GALNTL6: variants seen among roughly 807,000 people sequenced by gnomAD.
GALNTL6 encodes the protein polypeptide N-acetylgalactosaminyltransferase like 6.
A neutral mutation model predicts 73.7 loss-of-function variants in GALNTL6; 46 were observed. That is an observed-to-expected ratio of 0.62 (90% CI 0.49 to 0.80). The LOEUF (loss-of-function observed/expected upper bound fraction) is 0.80. GALNTL6 is among the 30% of genes least tolerant of loss of function. GALNTL6 has a pLI of 0.00. For synonymous variants in GALNTL6, 259 were observed against 263.7 expected (o/e 0.98, Z 0.17); for missense variants, 604 against 755.0 (o/e 0.80, Z 2.34).
chr4:172,890,040 CAGAG>C (rs2111210065), intron 8 of GALNTL6, among the ~76,000 whole-genome samples: 1 of 152,212 alleles, frequency 6.6e-6, no homozygotes, highest in Admixed American at 6.5e-5. Flanking sequence ...CTTGTATGCA[CAGAG>C]GTGTTCATAA....
chr4:171,888,318 G>A (rs1307434770), intron 2 of GALNTL6, among the ~76,000 whole-genome samples: 2 of 149,944 alleles, frequency 1.3e-5, no homozygotes, highest in Non-Finnish European at 3.0e-5. Context: ...TAACTTTAAA[G>A]TTCAGCAACA....
At chr4:171,869,738 T>C (rs1415291037) in intron 2 of GALNTL6, among the ~76,000 whole-genome samples, 1 of 152,086 alleles carries the variant, frequency 6.6e-6, no homozygotes, top group Admixed American at 6.6e-5. Context: ...CGGTGGGAGA[T>C]AACTGAATCA....
At chr4:172,526,990 T>C (rs760798112) in intron 5 of GALNTL6, among the ~76,000 whole-genome samples, 3 of 152,142 alleles carry the variant, frequency 2.0e-5, no homozygotes, top group African/African-American at 7.2e-5. Context: ...GATGATACAG[T>C]CACTAGAGAC....
chr4:172,293,465 A>G (rs1342158562), intron 3 of GALNTL6, among the ~76,000 whole-genome samples: 1 of 151,556 alleles, frequency 6.6e-6, no homozygotes, highest in Non-Finnish European at 1.5e-5. Flanking sequence ...AGTTTGAGAG[A>G]AGGATATTAT....
intron 5 of GALNTL6, among the ~76,000 whole-genome samples, chr4:172,538,437 G>A (rs1355594260): frequency 6.6e-6 from 1 of 152,086 alleles, no homozygotes; most frequent in African/African-American, 2.4e-5. Flanking sequence ...TCCAGCCTGG[G>A]TGACAGAGTG....
intron 5 of GALNTL6, among the ~76,000 whole-genome samples, chr4:172,367,870 G>T (rs1057129028): frequency 4.6e-5 from 7 of 152,092 alleles, no homozygotes; most frequent in African/African-American, 1.7e-4. Context: ...TCGCTTATAA[G>T]GTTAATGTAA....
chr4:172,711,127 G>A (rs1214689236), intron 5 of GALNTL6, among the ~76,000 whole-genome samples: 5 of 152,094 alleles, frequency 3.3e-5, no homozygotes, highest in South Asian at 2.1e-4. Flanking sequence ...GGGTGTATGC[G>A]GTAGGAGGAA....
At chr4:172,645,389 CAA>C (rs1740192989) in intron 5 of GALNTL6, among the ~76,000 whole-genome samples, 2 of 151,904 alleles carry the variant, frequency 1.3e-5, no homozygotes, top group Admixed American at 1.3e-4. Context: ...AAGTAGAAAT[CAA>C]GTTTCATTCC....
intron 2 of GALNTL6, among the ~76,000 whole-genome samples, chr4:171,881,017 C>T (rs1179422220): frequency 6.6e-6 from 1 of 151,280 alleles, no homozygotes; most frequent in Non-Finnish European, 1.5e-5. Flanking sequence ...CAAAATGGCT[C>T]CCACCGAGTA....
At chr4:172,981,457 CTAATGAT>C (rs1751059686) in intron 10 of GALNTL6, among the ~76,000 whole-genome samples, 2 of 152,236 alleles carry the variant, frequency 1.3e-5, no homozygotes, top group Admixed American at 1.3e-4. Context: ...TCCCTAATGA[CTAATGAT>C]GTTAAACACC....
At chr4:172,879,094 T>C (rs903203807) in intron 7 of GALNTL6, among the ~76,000 whole-genome samples, 3 of 151,800 alleles carry the variant, frequency 2.0e-5, no homozygotes, top group Non-Finnish European at 4.4e-5. Context: ...TGAACATTTA[T>C]GCACCTATTA....
intron 5 of GALNTL6, among the ~76,000 whole-genome samples, chr4:172,359,745 T>C (rs1340889743): frequency 6.6e-6 from 1 of 152,146 alleles, no homozygotes; most frequent in Non-Finnish European, 1.5e-5. Flanking sequence ...GTAAAAAACA[T>C]CTGGGGTTAC....
chr4:172,076,054 G>A (rs2110912137), intron 2 of GALNTL6, among the ~76,000 whole-genome samples: 1 of 152,174 alleles, frequency 6.6e-6, no homozygotes, highest in East Asian at 1.9e-4. Flanking sequence ...AAATTCCTTT[G>A]GATAAAAATG....
chr4:172,536,705 G>A (rs954813289), intron 5 of GALNTL6, among the ~76,000 whole-genome samples: 2 of 152,146 alleles, frequency 1.3e-5, no homozygotes, highest in African/African-American at 4.8e-5. Flanking sequence ...GATATGGTTG[G>A]AATTGGAACT....
chr4:172,417,676 T>G (rs541015718), intron 5 of GALNTL6, among the ~76,000 whole-genome samples: 2 of 152,072 alleles, frequency 1.3e-5, no homozygotes, highest in Non-Finnish European at 2.9e-5. Flanking sequence ...AATTAAAATT[T>G]AAATTGAAAA....
At chr4:172,963,331 C>T (rs1357962195) in intron 10 of GALNTL6, among the ~76,000 whole-genome samples, 1 of 152,140 alleles carries the variant, frequency 6.6e-6, no homozygotes, top group African/African-American at 2.4e-5. Context: ...CCACACACAT[C>T]CACATGCATA....
At chr4:172,984,716 A>G (rs1751220518) in intron 10 of GALNTL6, among the ~76,000 whole-genome samples, 1 of 152,228 alleles carries the variant, frequency 6.6e-6, no homozygotes, top group African/African-American at 2.4e-5. Context: ...CCTCAGTATC[A>G]TGCAGTATCC....
At chr4:172,226,977 C>A (rs1736888299) in intron 2 of GALNTL6, among the ~76,000 whole-genome samples, 1 of 152,134 alleles carries the variant, frequency 6.6e-6, no homozygotes, top group East Asian at 1.9e-4. Context: ...TACATTGCCT[C>A]TGTTTTCTTC....
intron 2 of GALNTL6, among the ~76,000 whole-genome samples, chr4:172,080,023 T>C (rs1482402205): frequency 1.3e-5 from 2 of 152,178 alleles, no homozygotes; most frequent in Non-Finnish European, 2.9e-5. Flanking sequence ...TTATGTGTGA[T>C]TTTTACATGT....
Sources: allele counts gnomAD v4.1 joint callset (sites outside exome capture counted in the v4.1 genomes callset), GRCh38; gene constraint gnomAD v4.1.1; transcripts MANE v1.5; gene names NCBI Gene and HGNC (gene_info 2026-07-23, HGNC 2026-07-21).